PSMA1: variants seen among roughly 807,000 people sequenced by gnomAD.
PSMA1 encodes the protein proteasome subunit alpha type-1.
PSMA1 carries 3 observed loss-of-function variants against 38.4 expected under a neutral mutation model. That is an observed-to-expected ratio of 0.08 (90% confidence interval 0.04 to 0.20). The LOEUF (loss-of-function observed/expected upper bound fraction) is 0.20, where lower values mean the gene tolerates loss of function less well. Ranked by LOEUF, PSMA1 falls within the 10% of genes least tolerant of loss-of-function variation. The probability of loss-of-function intolerance (pLI) is 1.00; values close to 1 mark genes in which losing one functional copy is unlikely to be tolerated. For synonymous variants in PSMA1, 101 were observed against 107.1 expected, an observed-to-expected ratio of 0.94 and a Z score of 0.35; for missense variants, 227 against 325.3, an observed-to-expected ratio of 0.70 and a Z score of 2.32.
At chr11:14,515,260 A>G (rs1174837163) in intron 4 of PSMA1, among the ~76,000 whole-genome samples, 1 of 152,230 alleles carries the variant, frequency 6.6e-6, no homozygotes, top group East Asian at 1.9e-4. Flanking sequence ...TATGGCAGGC[A>G]ATAATCACAT....
intron 2 of PSMA1, among the ~76,000 whole-genome samples, chr11:14,558,175 G>A (rs1382590455): frequency 6.6e-6 from 1 of 150,712 alleles, no homozygotes; most frequent in Non-Finnish European, 1.5e-5. Flanking sequence ...CACTCAGGGA[G>A]GCCACGGTGG....
At chr11:14,605,203 G>T (rs1182295508) in intron 2 of PSMA1, among the ~76,000 whole-genome samples, 1 of 152,076 alleles carries the variant, frequency 6.6e-6, no homozygotes, top group Non-Finnish European at 1.5e-5. Flanking sequence ...CTGAAGCCTT[G>T]CCAACAGCTG....
chr11:14,596,206 A>T (rs1425674495), intron 2 of PSMA1, among the ~76,000 whole-genome samples: 1 of 152,228 alleles, frequency 6.6e-6, no homozygotes, highest in Non-Finnish European at 1.5e-5. Context: ...CTTTTGGCTT[A>T]GGATTGTCTT....
Position 14,513,792 on chromosome 11 carries a change from A to T in PSMA1, c.414+25T>A, listed in dbSNP as rs763092284. The T allele has an allele frequency of 4.5e-6, 7 of 1,563,934 alleles. No individual in the cohort carries two copies. The South Asian group carries it at 6.1e-5, about 14-fold the overall frequency. On this transcript the variant is annotated intron_variant, in intron 6 of 9. Coordinates refer to ENST00000396394, the MANE Select transcript of PSMA1 (RefSeq NM_002786.4). ...TAGTTAATTAAAAAAAATCATTAACATATAACAATATTCAATGAACTTACA... is the reference window on the plus strand; with the variant it reads ...TAGTTAATTAAAAAAAATCATTAACTTATAACAATATTCAATGAACTTACA...
intron 1 of PSMA1, among the ~76,000 whole-genome samples, chr11:14,631,744 G>C (rs920776938): frequency 1.1e-4 from 17 of 152,212 alleles, no homozygotes; most frequent in East Asian, 3.9e-4. Flanking sequence ...TCTCATTGAT[G>C]TGTCTAATGT....
chr11:14,636,913 G>T (rs1020281521), intron 1 of PSMA1, among the ~76,000 whole-genome samples: 1 of 152,058 alleles, frequency 6.6e-6, no homozygotes, highest in Non-Finnish European at 1.5e-5. Context: ...CTTTCATTTG[G>T]CCAATTATAA....
At chr11:14,575,941 T>C (rs1852208157) in intron 2 of PSMA1, among the ~76,000 whole-genome samples, 1 of 152,222 alleles carries the variant, frequency 6.6e-6, no homozygotes, top group Admixed American at 6.5e-5. Flanking sequence ...GACTTTTTAA[T>C]GATCACCATT....
At chr11:14,608,879 A>G (rs761076567) in intron 2 of PSMA1, among the ~76,000 whole-genome samples, 3 of 152,072 alleles carry the variant, frequency 2.0e-5, no homozygotes, top group African/African-American at 4.8e-5. Flanking sequence ...GTTAAAACCC[A>G]AAGAGATTAA....
chr11:14,590,339 AT>A (rs1852396187), intron 2 of PSMA1, among the ~76,000 whole-genome samples: 1 of 152,158 alleles, frequency 6.6e-6, no homozygotes, highest in Non-Finnish European at 1.5e-5. Flanking sequence ...GCAAATTTTC[AT>A]TTTGTGTTTT....
At chr11:14,577,396 C>T (rs1852231559) in intron 2 of PSMA1, among the ~76,000 whole-genome samples, 1 of 152,038 alleles carries the variant, frequency 6.6e-6, no homozygotes, top group Non-Finnish European at 1.5e-5. Flanking sequence ...TGCTTTAATA[C>T]TACTACTAAT....
intron 1 of PSMA1, among the ~76,000 whole-genome samples, chr11:14,625,529 C>T (rs1590015058): frequency 1.3e-5 from 2 of 152,278 alleles, no homozygotes; most frequent in East Asian, 1.9e-4. Flanking sequence ...TGGATCCACC[C>T]CTGTTTCAGT....
intron 2 of PSMA1, among the ~76,000 whole-genome samples, chr11:14,589,450 A>G (rs1026518902): frequency 6.7e-6 from 1 of 149,914 alleles, no homozygotes; most frequent in Non-Finnish European, 1.5e-5. Context: ...TGTGTGTATT[A>G]TATATATATA....
At chr11:14,517,817 A>T in intron 3 of PSMA1, 63 bp downstream of exon 3, 2 of 1,523,172 alleles carry the variant, frequency 1.3e-6, no homozygotes, top group Admixed American at 4.2e-5. Flanking sequence ...TTACAACCTT[A>T]TTTTCTATGG....
At chr11:14,514,065 G>A (rs1025772131) in intron 5 of PSMA1, 178 bp from the exon 6 acceptor site, 17 of 1,321,222 alleles carry the variant, frequency 1.3e-5, no homozygotes, top group African/African-American at 3.1e-5. Flanking sequence ...ACTTTCTACC[G>A]AACCTAAGAA....
chr11:14,598,176 G>T (rs1050685608), intron 2 of PSMA1, among the ~76,000 whole-genome samples: 1 of 152,154 alleles, frequency 6.6e-6, no homozygotes, highest in Admixed American at 6.5e-5. Flanking sequence ...CAAATATGTG[G>T]TCAATTTTGG....
At chr11:14,506,705 G>T (rs1257246803) in intron 9 of PSMA1, among the ~76,000 whole-genome samples, 1 of 152,190 alleles carries the variant, frequency 6.6e-6, no homozygotes, top group African/African-American at 2.4e-5. Context: ...ATCTGGGCCA[G>T]GCCAGTGACT....
chr11:14,609,198 T>C (rs576362362), intron 2 of PSMA1, among the ~76,000 whole-genome samples: 1 of 152,322 alleles, frequency 6.6e-6, no homozygotes, highest in South Asian at 2.1e-4. Context: ...GTAATGTTGA[T>C]ACTATAGGAA....
chr11:14,600,194 C>T (rs1039860465), intron 2 of PSMA1, among the ~76,000 whole-genome samples: 2 of 152,268 alleles, frequency 1.3e-5, no homozygotes, highest in East Asian at 1.9e-4. Context: ...TTAGGTTACA[C>T]GGAGGTTAGG....
At chr11:14,598,192 G>A (rs1852526413) in intron 2 of PSMA1, among the ~76,000 whole-genome samples, 1 of 152,208 alleles carries the variant, frequency 6.6e-6, no homozygotes, top group African/African-American at 2.4e-5. Flanking sequence ...TTTGGAATAA[G>A]TGTGATTGAT....
Sources: gnomAD v4.1 joint callset for allele counts (sites outside exome capture counted in the v4.1 genomes callset) on GRCh38, gnomAD v4.1.1 for gene constraint, MANE v1.5 for transcripts, NCBI Gene and HGNC (gene_info 2026-07-23, HGNC 2026-07-21) for gene names.